Variants in CACNA1I observed in about 807,000 individuals in gnomAD.
CACNA1I encodes voltage-dependent T-type calcium channel subunit alpha-1I.
CACNA1I carries 74 observed loss-of-function variants against 201.6 expected under a neutral mutation model. That is an observed-to-expected ratio of 0.37 (90% confidence interval 0.30 to 0.45). CACNA1I has a LOEUF of 0.45. CACNA1I is among the 20% of genes least tolerant of loss of function. The pLI is 1.00. For synonymous variants in CACNA1I, 1,431 were observed against 1,345.2 expected, an observed-to-expected ratio of 1.06 and a Z score of -1.40; for missense variants, 2,346 against 3,138.1, an observed-to-expected ratio of 0.75 and a Z score of 6.03.
At chr22:39,653,540 A>G (rs906983969) in intron 10 of CACNA1I, among the ~76,000 whole-genome samples, 3 of 152,012 alleles carry the variant, frequency 2.0e-5, no homozygotes, top group African/African-American at 7.2e-5. Flanking sequence ...AGAGAAGGAG[A>G]GGAGGAGAGG....
Position 39,686,550 on chromosome 22 carries a change from G to A in CACNA1I, c.*145G>A. ...CAGGCGCCCGACAGCCGGGCTGAGC[G>A]GAGTCTGGGTTAGCCAGGCCTGCGT... On this transcript the variant is annotated 3_prime_UTR_variant, in exon 37 of 37. Transcript: ENST00000402142. 2 of 531,984 alleles carry A rather than the reference G, an allele frequency of 3.8e-6. No individual in the cohort carries two copies. The highest frequency in any genetic ancestry group is 5.4e-6 in the Non-Finnish European group (2 of 367,238). 33.0% of individuals were successfully genotyped at this position (531,984 alleles called of 1,614,324 possible).
intron 4 of CACNA1I, among the ~76,000 whole-genome samples, chr22:39,623,520 T>G (rs1420012658): frequency 6.7e-6 from 1 of 150,312 alleles, no homozygotes; most frequent in Admixed American, 6.6e-5. Context: ...ATGAATATGT[T>G]CATGCCTGAG....
chr22:39,680,976 C>T lies in CACNA1I; in HGVS notation c.5588C>T (p.Ser1863Phe), dbSNP rs777743325. 38 of 1,611,848 alleles carry T rather than the reference C, an allele frequency of 2.4e-5. No individual in the cohort carries two copies. The highest frequency in any genetic ancestry group is 2.9e-5 in the Non-Finnish European group (34 of 1,179,620). ...GCCTTCTCCCTGAACTCAGACAGGT[C>T]CTCGTCCATCCTGCTGGGTGACGAC... ...TEAFSLNSDR[S>F]SSILLGDDLS... The change falls in exon 34 of 37, where the codon TCC (serine) becomes TTC (phenylalanine). Residue 1863 changes from serine to phenylalanine, a missense_variant. By Grantham distance (155) the Ser-to-Phe change is radical (BLOSUM62 -2). Around this residue, in one of 13 missense-constraint regions of CACNA1I, gnomAD observed 441 missense variants for 555.6 expected, o/e 0.79. Transcript: ENST00000402142.
At chr22:39,638,180 T>C (rs765871615) in intron 5 of CACNA1I, among the ~76,000 whole-genome samples, 24 of 152,350 alleles carry the variant, frequency 1.6e-4, no homozygotes, top group Admixed American at 5.2e-4. Context: ...CCTCAAGCGA[T>C]CCACCCACCT....
Position 39,659,955 on chromosome 22 carries a change from G to T in CACNA1I, c.2604+103G>T, listed in dbSNP as rs1341990282. 5 of 1,311,236 alleles carry T rather than the reference G, an allele frequency of 3.8e-6. No individual in the cohort carries two copies. Among genetic ancestry groups the T allele is most frequent in the Admixed American group, 3.7e-5 (2 of 53,774 alleles). The allele number at this position is 1,311,236 out of a possible 1,614,324, so 81.2% of individuals were successfully genotyped here. ...GGGAGGGCTGCAATTCAAACTTCTAGCAGGCAACCTATCCCTAAAGGAGGG... is the reference window on the plus strand; with the variant it reads ...GGGAGGGCTGCAATTCAAACTTCTATCAGGCAACCTATCCCTAAAGGAGGG... On this transcript the variant is annotated intron_variant, in intron 14 of 36. Transcript: ENST00000402142. The surrounding 1 kb of genome is among the most constrained non-coding windows in gnomAD (Gnocchi z 4.3).
Position 39,647,811 on chromosome 22 carries a change from C to T in CACNA1I, c.1463-11C>T, listed in dbSNP as rs1032828510. 2 of 1,536,308 alleles carry T rather than the reference C, an allele frequency of 1.3e-6. No individual in the cohort carries two copies. The highest frequency in any genetic ancestry group is 1.8e-6 in the Non-Finnish European group (2 of 1,109,188). ...AAGGGAGAAGATAGTAATATTATCT[C>T]CACTTTTCAGATGGGAAGACTAAGG... On this transcript the variant is annotated splice_polypyrimidine_tract_variant and intron_variant, in intron 8 of 36. Coordinates refer to ENST00000402142, the MANE Select transcript of CACNA1I (RefSeq NM_021096.4).
intron 1 of CACNA1I, among the ~76,000 whole-genome samples, chr22:39,592,958 G>A (rs891817483): frequency 1.3e-5 from 2 of 152,188 alleles, no homozygotes; most frequent in African/African-American, 2.4e-5. Context: ...CAGGAACCGC[G>A]GGCAGTGATG....
At position 39,580,263 on chromosome 22, in the gene CACNA1I, C is replaced by T. The variant is rs117589645; in HGVS notation, c.236+9275C>T. Among the ~76,000 whole-genome samples the T allele has an allele frequency of 3.3e-3, 499 of 152,306 alleles. 1 individual carries two copies. The highest frequency in any genetic ancestry group is 5.8e-3 in the Non-Finnish European group (393 of 68,028). On this transcript the variant is annotated intron_variant, in intron 1 of 36. Transcript: ENST00000402142. ...AGCAACACATGTCTGGGAAATTGTCCGTTTCCCTCCAACTGCTGTGGAGAA... is the reference window on the plus strand; with the variant it reads ...AGCAACACATGTCTGGGAAATTGTCTGTTTCCCTCCAACTGCTGTGGAGAA...
intron 3 of CACNA1I, among the ~76,000 whole-genome samples, chr22:39,605,893 G>C (rs1933207020): frequency 6.6e-6 from 1 of 152,090 alleles, no homozygotes; most frequent in Non-Finnish European, 1.5e-5. Context: ...CAGGGTTTCT[G>C]GGGGGTGGGT....
intron 3 of CACNA1I, among the ~76,000 whole-genome samples, chr22:39,618,365 G>C (rs959652331): frequency 6.6e-6 from 1 of 151,464 alleles, no homozygotes; most frequent in Non-Finnish European, 1.5e-5. Context: ...GGTTGTGTGC[G>C]TGTGTGACTG....
intron 4 of CACNA1I, 92 bp downstream of exon 4, chr22:39,619,499 C>A: frequency 1.1e-6 from 1 of 897,704 alleles, no homozygotes; most frequent in Non-Finnish European, 1.8e-6. Flanking sequence ...CACCCCCCCA[C>A]CCTGCTTCGT....
intron 16 of CACNA1I, 138 bp from the exon 17 acceptor site, chr22:39,661,827 G>T: frequency 1.7e-6 from 1 of 580,714 alleles, no homozygotes; most frequent in East Asian, 3.2e-5. Context: ...GAGCTCTAGG[G>T]TCAAGCCCAT....
chr22:39,643,682 A>C (rs1168127057), intron 7 of CACNA1I, among the ~76,000 whole-genome samples: 1 of 152,232 alleles, frequency 6.6e-6, no homozygotes, highest in East Asian at 1.9e-4. Context: ...CTGGGGCCCC[A>C]GAACAGACCA....
chr22:39,673,934 G>A (rs1243739006), intron 28 of CACNA1I, 29 bp from the exon 29 acceptor site: 3 of 1,608,532 alleles, frequency 1.9e-6, no homozygotes, highest in East Asian at 2.2e-5. Context: ...GCCTGGGGCT[G>A]AGTGGGCAGG....
chr22:39,640,980 C>G lies in CACNA1I; in HGVS notation c.854C>G (p.Pro285Arg). 1.2e-6 allele frequency: 2 copies of G among 1,613,978 alleles called. No homozygotes were observed. The highest frequency in any genetic ancestry group is 1.7e-6 in the Non-Finnish European group (2 of 1,179,864). The change falls in exon 6 of 37, where the codon CCG becomes CGG. Residue 285 changes from proline to arginine, a missense_variant. Pro to Arg is a moderately radical substitution (Grantham distance 103). This residue lies in a region of CACNA1I where 227 missense variants were observed against 412.5 expected (regional missense o/e 0.55). Coordinates refer to ENST00000402142, the MANE Select transcript of CACNA1I (RefSeq NM_021096.4). ...ATAATGGGCTGCCATGAGATCCCCC[C>G]GCTCAAGGAGCAGGGCCGTGAGTGC... The part of the protein sequence containing the change: ...NGIMGCHEIP[P>R]LKEQGRECCL...
At chr22:39,624,678 C>G (rs974196356) in intron 4 of CACNA1I, among the ~76,000 whole-genome samples, 18 of 152,192 alleles carry the variant, frequency 1.2e-4, no homozygotes, top group African/African-American at 4.3e-4. Flanking sequence ...TGGTCTAACC[C>G]TCATTTCGCG....
chr22:39,673,754 C>T (rs1199081681), intron 28 of CACNA1I, among the ~76,000 whole-genome samples: 1 of 152,198 alleles, frequency 6.6e-6, no homozygotes, highest in African/African-American at 2.4e-5. Context: ...ACAGTGACAC[C>T]CACGCCTTGT....
chr22:39,612,056 G>A (rs1171737993), intron 3 of CACNA1I, among the ~76,000 whole-genome samples: 2 of 152,182 alleles, frequency 1.3e-5, no homozygotes, highest in Non-Finnish European at 2.9e-5. Context: ...GTGCAACAGA[G>A]TTGAGAGGTG....
intron 3 of CACNA1I, among the ~76,000 whole-genome samples, chr22:39,602,952 G>T (rs1489189341): frequency 1.3e-5 from 2 of 151,990 alleles, no homozygotes; most frequent in Non-Finnish European, 2.9e-5. Flanking sequence ...AGGAGTTTGA[G>T]ACCAGCCTGG....
Sources: allele counts gnomAD v4.1 joint callset (sites outside exome capture counted in the v4.1 genomes callset), GRCh38; gene constraint gnomAD v4.1.1; regional missense constraint gnomAD v4.1.1; non-coding constraint Gnocchi (gnomAD v3.1); transcripts MANE v1.5; gene names NCBI Gene and HGNC (gene_info 2026-07-23, HGNC 2026-07-21).